Variants in LRP1B observed in about 807,000 individuals in gnomAD.
LRP1B encodes LDL receptor related protein 1B.
A neutral mutation model predicts 556.6 loss-of-function variants in LRP1B; 217 were observed. The ratio of observed to expected loss-of-function variants is 0.39; its 90% CI spans 0.35 to 0.44. The LOEUF (loss-of-function observed/expected upper bound fraction) is 0.44. LRP1B is among the 20% of genes least tolerant of loss of function. LRP1B has a pLI of 1.00. For synonymous variants in LRP1B, 2,047 were observed against 1,865.8 expected (o/e 1.10, Z -2.50); for missense variants, 5,053 against 5,620.8 (o/e 0.90, Z 3.23).
chr2:140,627,335 G>A (rs1185533051), intron 41 of LRP1B, among the ~76,000 whole-genome samples: 2 of 152,168 alleles, frequency 1.3e-5, no homozygotes, highest in African/African-American at 2.4e-5. Flanking sequence ...CTGCCAGCAT[G>A]GAGAGGATAA....
At chr2:141,270,901 C>A (rs1685065107) in intron 3 of LRP1B, among the ~76,000 whole-genome samples, 1 of 151,902 alleles carries the variant, frequency 6.6e-6, no homozygotes, top group Non-Finnish European at 1.5e-5. Flanking sequence ...CTTAATACCA[C>A]TGAACTATAT....
At chr2:140,941,656 A>G (rs1254561398) in intron 20 of LRP1B, among the ~76,000 whole-genome samples, 2 of 152,166 alleles carry the variant, frequency 1.3e-5, no homozygotes, top group African/African-American at 4.8e-5. Flanking sequence ...TACCATGGGA[A>G]CCTATCTACA....
In LRP1B at chr2:142,049,116, G is replaced by A. The variant is rs566543890; in HGVS notation, c.82+81532C>T. ...ATTCAAGAACTCCAGAAAGAAAGTTGATTACTAAAAAAAGGCCCCTTTTTT... is the reference window on the plus strand; with the variant it reads ...ATTCAAGAACTCCAGAAAGAAAGTTAATTACTAAAAAAAGGCCCCTTTTTT... On this transcript the variant is annotated intron_variant, in intron 1 of 90. Coordinates refer to ENST00000389484, the MANE Select transcript of LRP1B (RefSeq NM_018557.3). 5.3e-5 allele frequency among the ~76,000 whole-genome samples: 8 copies of A among 151,982 alleles called. No homozygotes were observed. The South Asian group carries it at 6.2e-4, about 12-fold the overall frequency.
chr2:140,429,270 C>G (rs1685806108), intron 66 of LRP1B, among the ~76,000 whole-genome samples: 1 of 152,202 alleles, frequency 6.6e-6, no homozygotes, highest in Non-Finnish European at 1.5e-5. Context: ...CAAGTTAGTT[C>G]AGGATCTGTG....
intron 2 of LRP1B, among the ~76,000 whole-genome samples, chr2:141,536,089 A>T (rs1367863628): frequency 6.6e-6 from 1 of 152,134 alleles, no homozygotes; most frequent in Non-Finnish European, 1.5e-5. Flanking sequence ...GTAAATGTTG[A>T]AAACAGAATT....
At chr2:141,799,487 C>A (rs1695932107) in intron 2 of LRP1B, among the ~76,000 whole-genome samples, 1 of 152,010 alleles carries the variant, frequency 6.6e-6, no homozygotes, top group Non-Finnish European at 1.5e-5. Flanking sequence ...CAGCTGACAA[C>A]CAGAAAGAAA....
intron 41 of LRP1B, among the ~76,000 whole-genome samples, chr2:140,639,083 T>C (rs1684180076): frequency 1.3e-5 from 2 of 152,282 alleles, no homozygotes; most frequent in South Asian, 4.1e-4. Flanking sequence ...GATATATTCT[T>C]GAGAGGCATT....
At chr2:141,158,314 C>G (rs1702119731) in intron 7 of LRP1B, among the ~76,000 whole-genome samples, 1 of 152,106 alleles carries the variant, frequency 6.6e-6, no homozygotes, top group Non-Finnish European at 1.5e-5. Flanking sequence ...AGCAGCTGAA[C>G]TCAAATCATA....
chr2:141,284,235 G>T (rs893855824), intron 3 of LRP1B, among the ~76,000 whole-genome samples: 2 of 152,098 alleles, frequency 1.3e-5, no homozygotes, highest in African/African-American at 4.8e-5. Context: ...ATAATTGTTT[G>T]AAAGAATAAA....
At chr2:141,502,857 C>CAAA (rs66690773) in intron 2 of LRP1B, among the ~76,000 whole-genome samples, 16 of 135,026 alleles carry the variant, frequency 1.2e-4, no homozygotes, top group Admixed American at 1.5e-4. Context: ...GACCCCGTCT[C>CAAA]AAAAAATAAA....
chr2:141,961,746 G>T (rs1701409363), intron 1 of LRP1B, among the ~76,000 whole-genome samples: 1 of 151,680 alleles, frequency 6.6e-6, no homozygotes, highest in Non-Finnish European at 1.5e-5. Context: ...AATGAGATTT[G>T]AAATGGTGTA....
At chr2:140,443,924 T>C (rs1354114663) in intron 65 of LRP1B, among the ~76,000 whole-genome samples, 2 of 152,210 alleles carry the variant, frequency 1.3e-5, no homozygotes, top group East Asian at 1.9e-4. Context: ...ATGTATTTCA[T>C]GGAGAAAACA....
At chr2:141,510,091 A>G (rs1193292149) in intron 2 of LRP1B, among the ~76,000 whole-genome samples, 1 of 151,994 alleles carries the variant, frequency 6.6e-6, no homozygotes, top group Non-Finnish European at 1.5e-5. Flanking sequence ...ATTTCTATTA[A>G]CTTCTTAATC....
At chr2:141,335,284 T>G (rs112080903) in intron 3 of LRP1B, among the ~76,000 whole-genome samples, 3 of 152,100 alleles carry the variant, frequency 2.0e-5, no homozygotes, top group Non-Finnish European at 4.4e-5. Context: ...AACAATACTG[T>G]TACATGAGAA....
intron 55 of LRP1B, among the ~76,000 whole-genome samples, chr2:140,498,161 G>A (rs1279408485): frequency 2.0e-5 from 3 of 151,868 alleles, no homozygotes; most frequent in Non-Finnish European, 4.4e-5. Flanking sequence ...CAATTTTTAT[G>A]AAAGTGAGAA....
intron 66 of LRP1B, among the ~76,000 whole-genome samples, chr2:140,390,976 A>T (rs970491920): frequency 6.6e-6 from 1 of 152,144 alleles, no homozygotes; most frequent in Non-Finnish European, 1.5e-5. Context: ...GCTGGTTTTC[A>T]TAAAGGTAAA....
rs1299065350 is a variant in LRP1B, at chr2:141,096,667, A to AGGGAGAGG, written c.1014-34395_1014-34394insCCTCTCCC. The stretch of plus-strand genomic sequence containing the variant: ...GAGAGAGAGAGAGAGAGAGAGAGAG[A>AGGGAGAGG]GAGAGAGAGAGAGAGAGAGAGAGAA... On this transcript the variant is annotated intron_variant, in intron 7 of 90. Coordinates refer to ENST00000389484, the MANE Select transcript of LRP1B (RefSeq NM_018557.3). Among the ~76,000 whole-genome samples, 220 of 128,350 alleles carry AGGGAGAGG rather than the reference A, an allele frequency of 1.7e-3. 15 individuals are homozygous for AGGGAGAGG. Among genetic ancestry groups the AGGGAGAGG allele is most frequent in the African/African-American group, 6.2e-3 (212 of 34,262 alleles). 84.2% of individuals were successfully genotyped at this position (128,350 alleles called of 152,430 possible). A position where few individuals can be genotyped will look rare whatever the true frequency, so the allele number is the denominator to read the frequency against.
At chr2:140,242,212 A>G in intron 87 of LRP1B, among the ~76,000 whole-genome samples, 1 of 151,148 alleles carries the variant, frequency 6.6e-6, no homozygotes, top group East Asian at 1.9e-4. Context: ...TAATATGGGT[A>G]TCATCATTAA....
chr2:141,733,553 T>C (rs1693358463), intron 2 of LRP1B, among the ~76,000 whole-genome samples: 2 of 152,244 alleles, frequency 1.3e-5, no homozygotes, highest in South Asian at 4.1e-4. Flanking sequence ...TAAATTCCTT[T>C]AATGTCTCCC....
Sources: allele counts gnomAD v4.1 joint callset (sites outside exome capture counted in the v4.1 genomes callset), GRCh38; gene constraint gnomAD v4.1.1; transcripts MANE v1.5; gene names NCBI Gene and HGNC (gene_info 2026-07-23, HGNC 2026-07-21).